Variants in SLC26A5 observed in about 807,000 individuals in gnomAD.
SLC26A5 encodes the protein prestin.
SLC26A5 carries 51 observed loss-of-function variants against 81.0 expected under a neutral mutation model. That is an observed-to-expected ratio of 0.63 (90% CI 0.50 to 0.80). The LOEUF is 0.80. Ranked by LOEUF, SLC26A5 falls within the 30% of genes least tolerant of loss-of-function variation. SLC26A5 has a pLI of 0.00. For synonymous variants in SLC26A5, 325 were observed against 332.8 expected (o/e 0.98, Z 0.25); for missense variants, 771 against 905.8 (o/e 0.85, Z 1.91).
At chr7:103,370,611 T>C (rs1820980647), downstream of SLC26A5, among the ~76,000 whole-genome samples, 2 of 152,168 alleles carry the variant, frequency 1.3e-5, no homozygotes, top group African/African-American at 4.8e-5. Context: ...AATGAGCTAT[T>C]CCAGGGCTTG....
intron 14 of SLC26A5, 67 bp from the exon 15 acceptor site, chr7:103,380,616 G>A (rs533729258): frequency 2.1e-6 from 3 of 1,415,012 alleles, no homozygotes; most frequent in African/African-American, 2.8e-5. Context: ...AGGAGGTTGT[G>A]TATGTTTATG....
chr7:103,363,667 T>G (rs991554411), intron 19 of SLC26A5, among the ~76,000 whole-genome samples: 4 of 150,676 alleles, frequency 2.7e-5, no homozygotes, highest in African/African-American at 9.7e-5. Flanking sequence ...CTGTTTACAG[T>G]GACAGAGGAG....
chr7:103,412,542 G>GTTTTTTTTT (rs1244758241), intron 5 of SLC26A5, among the ~76,000 whole-genome samples: 1 of 121,646 alleles, frequency 8.2e-6, no homozygotes, highest in African/African-American at 3.8e-5. Context: ...GAGGAGTGTA[G>GTTTTTTTTT]TTTTTTTTTT....
intron 19 of SLC26A5, chr7:103,365,936 A>T: frequency 1.4e-6 from 1 of 690,752 alleles, no homozygotes; most frequent in Non-Finnish European, 2.3e-6. Context: ...TCAAAAAAAT[A>T]AAAAAATAAA....
chr7:103,430,497 A>G (rs1825996935), intron 2 of SLC26A5, among the ~76,000 whole-genome samples: 1 of 144,378 alleles, frequency 6.9e-6, no homozygotes, highest in African/African-American at 2.7e-5. Flanking sequence ...ATAGACCTCA[A>G]TTCAAGTCCT....
chr7:103,387,910 CT>C (rs1459202332), intron 14 of SLC26A5, among the ~76,000 whole-genome samples: 6 of 152,098 alleles, frequency 3.9e-5, no homozygotes, highest in African/African-American at 1.4e-4. Context: ...TCTTGAACTC[CT>C]GACTTTGTGA....
chr7:103,383,933 G>A (rs987920618), intron 14 of SLC26A5, among the ~76,000 whole-genome samples: 1 of 151,846 alleles, frequency 6.6e-6, no homozygotes, highest in African/African-American at 2.4e-5. Context: ...CTTGAGCCCA[G>A]GAGTTCAAGA....
intron 19 of SLC26A5, chr7:103,366,297 CA>C: frequency 2.7e-6 from 2 of 733,198 alleles, no homozygotes; most frequent in Non-Finnish European, 4.6e-6. Context: ...AGTGGCGCCA[CA>C]GATCTAATAA....
intron 19 of SLC26A5, among the ~76,000 whole-genome samples, chr7:103,356,520 A>C (rs1820041162): frequency 6.6e-6 from 1 of 152,338 alleles, no homozygotes; most frequent in Non-Finnish European, 1.5e-5. Flanking sequence ...CAATTTTTAC[A>C]CTTTTGCCAT....
chr7:103,384,398 G>C (rs376775858), intron 14 of SLC26A5, among the ~76,000 whole-genome samples: 1 of 152,108 alleles, frequency 6.6e-6, no homozygotes, highest in African/African-American at 2.4e-5. Flanking sequence ...GGATCACGAG[G>C]TGAGGAGTTC....
At chr7:103,380,955 C>G (rs1387346446) in intron 14 of SLC26A5, among the ~76,000 whole-genome samples, 1 of 151,262 alleles carries the variant, frequency 6.6e-6, no homozygotes, top group Non-Finnish European at 1.5e-5. Context: ...CATATACATA[C>G]ACACATGCAT....
downstream of SLC26A5, among the ~76,000 whole-genome samples, chr7:103,371,451 A>G (rs956619808): frequency 1.3e-5 from 2 of 149,806 alleles, no homozygotes; most frequent in African/African-American, 4.9e-5. Context: ...CAGCCTCCCG[A>G]GTAGCTGGGA....
At chr7:103,421,190 C>T (rs2116724213) in intron 3 of SLC26A5, among the ~76,000 whole-genome samples, 173 bp downstream of exon 3, 1 of 152,280 alleles carries the variant, frequency 6.6e-6, no homozygotes, top group African/African-American at 2.4e-5. Flanking sequence ...ATGATGAAGC[C>T]TGTGTGCAAA....
chr7:103,422,608 T>C (rs989773825), intron 2 of SLC26A5, among the ~76,000 whole-genome samples: 3 of 152,094 alleles, frequency 2.0e-5, no homozygotes, highest in African/African-American at 4.8e-5. Context: ...GAAGGGATAG[T>C]AGAGGGCTTC....
chr7:103,389,394 G>A lies in SLC26A5; in HGVS notation c.1342C>T (p.Leu448=). The A allele has an allele frequency of 6.2e-7, 1 of 1,614,040 alleles. No individual in the cohort carries two copies. The highest frequency in any genetic ancestry group is 1.3e-5 in the African/African-American group (1 of 75,000). ...AVLSAIVIVN[L]KGMFMQFSDL... is the part of the protein sequence containing the mutation. The stretch of plus-strand genomic sequence containing the variant: ...GAGAACTGCATAAACATTCCCTTCA[G>A]GTTGACAATCACAATGGCCGACAGC... Residue 448 remains leucine (L), a synonymous_variant, in exon 13 of 20, where the codon CTG becomes TTG. Coordinates refer to ENST00000306312, the MANE Select transcript of SLC26A5 (RefSeq NM_198999.3).
intron 19 of SLC26A5, 150 bp from the exon 20 acceptor site, chr7:103,374,742 C>A: frequency 2.7e-6 from 2 of 749,248 alleles, no homozygotes; most frequent in Non-Finnish European, 2.1e-6. Context: ...CTCTGTCACC[C>A]AGGCTGGAGA....
intron 5 of SLC26A5, among the ~76,000 whole-genome samples, chr7:103,412,551 T>TG (rs1563561565): frequency 2.3e-5 from 3 of 132,132 alleles, no homozygotes; most frequent in African/African-American, 7.7e-5. Flanking sequence ...AGTTTTTTTT[T>TG]TGTTTTTTTT....
chr7:103,418,270 A>T (rs558687103), intron 4 of SLC26A5, among the ~76,000 whole-genome samples: 1 of 152,316 alleles, frequency 6.6e-6, no homozygotes, highest in South Asian at 2.1e-4. Flanking sequence ...AAGTCTTTCC[A>T]TTCTTACAGC....
At chr7:103,372,879 T>TAAAA (rs5886252), downstream of SLC26A5, among the ~76,000 whole-genome samples, 2 of 142,606 alleles carry the variant, frequency 1.4e-5, no homozygotes, top group African/African-American at 2.6e-5. Context: ...AAGGGAAATC[T>TAAAA]AAAAAAAAAA....
Sources: gnomAD v4.1 joint callset for allele counts (sites outside exome capture counted in the v4.1 genomes callset) on GRCh38, gnomAD v4.1.1 for gene constraint, MANE v1.5 for transcripts, NCBI Gene and HGNC (gene_info 2026-07-23, HGNC 2026-07-21) for gene names.